Variants in SLC14A2 observed in about 807,000 individuals in gnomAD.
SLC14A2 encodes solute carrier family 14 member 2.
In SLC14A2, 91 loss-of-function variants were observed where a neutral mutation model predicts 104.6. That is an observed-to-expected ratio of 0.87 (90% CI 0.73 to 1.04). SLC14A2 has a LOEUF of 1.04. SLC14A2 is among the 50% of genes least tolerant of loss of function. SLC14A2 has a pLI of 0.00. For synonymous variants in SLC14A2, 476 were observed against 466.4 expected (o/e 1.02, Z -0.27); for missense variants, 1,189 against 1,156.0 (o/e 1.03, Z -0.41).
At position 45,495,920 on chromosome 18, in the gene SLC14A2, C is replaced by T. The variant is rs576487318; in HGVS notation, c.-35+12598C>T. ...GGCAAGCGCCAACTCCCAGGTCTGA[C>T]CTGCTTGCTGAAAGTTTGAAGACCA... On this transcript the variant is annotated intron_variant, in intron 2 of 20. Transcript: ENST00000586448. Among the ~76,000 whole-genome samples, 7 of 152,310 alleles carry T rather than the reference C, an allele frequency of 4.6e-5. No homozygotes were observed. The East Asian group carries it at 1.4e-3, about 29-fold the overall frequency.
intron 1 of SLC14A2, among the ~76,000 whole-genome samples, chr18:45,229,815 C>T (rs1339246445): frequency 6.6e-6 from 1 of 152,144 alleles, no homozygotes; most frequent in African/African-American, 2.4e-5. Flanking sequence ...TGGAAAGTTG[C>T]TTCTGCGTTC....
intron 1 of SLC14A2, among the ~76,000 whole-genome samples, chr18:45,472,644 T>A (rs2144671302): frequency 6.6e-6 from 1 of 152,376 alleles, no homozygotes; most frequent in South Asian, 2.1e-4. Flanking sequence ...GAGCTTTTTT[T>A]CATATGTTTG....
intron 1 of SLC14A2, among the ~76,000 whole-genome samples, chr18:45,258,590 T>A (rs1028768147): frequency 7.0e-6 from 1 of 143,464 alleles, no homozygotes; most frequent in Non-Finnish European, 1.5e-5. Flanking sequence ...GGCAAGGACC[T>A]TTCTTATTGC....
At chr18:45,421,855 G>A (rs4559998) in intron 1 of SLC14A2, among the ~76,000 whole-genome samples, 23,639 of 152,158 alleles carry the variant, frequency 0.16, 2,600 homozygotes, top group African/African-American at 0.29. Flanking sequence ...CTAATCCAAC[G>A]CTGAATGATC....
chr18:45,453,769 A>G (rs953035403), intron 1 of SLC14A2, among the ~76,000 whole-genome samples: 1 of 151,762 alleles, frequency 6.6e-6, no homozygotes, highest in African/African-American at 2.4e-5. Flanking sequence ...TTGCATTCAC[A>G]GTGCCTCCCT....
intron 1 of SLC14A2, among the ~76,000 whole-genome samples, chr18:45,443,665 C>A (rs2086718171): frequency 6.6e-6 from 1 of 151,986 alleles, no homozygotes; most frequent in African/African-American, 2.4e-5. Flanking sequence ...TTCTGTAGGG[C>A]AGAGGGGTTC....
intron 2 of SLC14A2, among the ~76,000 whole-genome samples, chr18:45,571,986 G>C (rs1389935223): frequency 6.6e-6 from 1 of 152,102 alleles, no homozygotes; most frequent in African/African-American, 2.4e-5. Flanking sequence ...ACAGTGCATA[G>C]ACCCCATCCT....
intron 2 of SLC14A2, among the ~76,000 whole-genome samples, chr18:45,520,622 G>A (rs1036775358): frequency 4.6e-5 from 7 of 152,130 alleles, no homozygotes; most frequent in African/African-American, 9.7e-5. Context: ...TTTTCTGGGC[G>A]TTTCCATCCT....
chr18:45,461,296 A>C (rs1026748795), intron 1 of SLC14A2, among the ~76,000 whole-genome samples: 1 of 152,182 alleles, frequency 6.6e-6, no homozygotes, highest in African/African-American at 2.4e-5. Context: ...CCTTTCAGAG[A>C]TACTCCTTTG....
intron 2 of SLC14A2, among the ~76,000 whole-genome samples, chr18:45,491,743 T>C (rs1434429797): frequency 1.3e-5 from 2 of 151,988 alleles, no homozygotes; most frequent in East Asian, 3.9e-4. Flanking sequence ...GCTTTGAAAA[T>C]TACTTGGCTG....
intron 1 of SLC14A2, among the ~76,000 whole-genome samples, chr18:45,414,939 A>C (rs1035197924): frequency 6.6e-6 from 1 of 151,540 alleles, no homozygotes; most frequent in African/African-American, 2.4e-5. Flanking sequence ...GCAGAGTCCG[A>C]TCAGCTTCTT....
intron 1 of SLC14A2, among the ~76,000 whole-genome samples, chr18:45,233,796 T>G (rs1230969215): frequency 1.7e-5 from 1 of 57,310 alleles, no homozygotes; most frequent in African/African-American, 6.8e-5. Context: ...CCACCCACAG[T>G]GCCCCCACCT....
intron 1 of SLC14A2, among the ~76,000 whole-genome samples, chr18:45,215,782 C>A (rs2084004877): frequency 6.6e-6 from 1 of 152,174 alleles, no homozygotes; most frequent in Non-Finnish European, 1.5e-5. Context: ...GGACTAAGCC[C>A]TATGACTTTC....
intron 1 of SLC14A2, among the ~76,000 whole-genome samples, chr18:45,482,125 C>A (rs1025552712): frequency 6.6e-6 from 1 of 152,020 alleles, no homozygotes; most frequent in African/African-American, 2.4e-5. Flanking sequence ...AAATGCATAC[C>A]CATTGAAAGC....
intron 1 of SLC14A2, among the ~76,000 whole-genome samples, chr18:45,286,527 A>AT (rs1465070037): frequency 6.6e-6 from 1 of 152,202 alleles, no homozygotes; most frequent in African/African-American, 2.4e-5. Flanking sequence ...ATCTACTCTC[A>AT]TTTTATAGAG....
chr18:45,191,013 T>C, the SLC14A2 span, among the ~76,000 whole-genome samples: 15 of 152,254 alleles, frequency 9.9e-5, no homozygotes, highest in African/African-American at 3.6e-4. Flanking sequence ...AAAATATGCT[T>C]CTTGAGCTGA....
At chr18:45,242,892 TC>T (rs2084332026) in intron 1 of SLC14A2, among the ~76,000 whole-genome samples, 1 of 152,218 alleles carries the variant, frequency 6.6e-6, no homozygotes, top group Non-Finnish European at 1.5e-5. Context: ...TTTGTGCTAC[TC>T]CCAGGTTTGG....
the SLC14A2 span, among the ~76,000 whole-genome samples, chr18:45,180,437 A>T: frequency 6.6e-6 from 1 of 152,206 alleles, no homozygotes; most frequent in East Asian, 1.9e-4. Flanking sequence ...GTTGAAGTAT[A>T]AAAAATATGG....
intron 1 of SLC14A2, among the ~76,000 whole-genome samples, chr18:45,420,748 A>ATT (rs936071062): frequency 6.7e-6 from 1 of 150,120 alleles, no homozygotes; most frequent in African/African-American, 2.4e-5. Flanking sequence ...TATTATTATT[A>ATT]TTTTTTTTTT....
Sources: allele counts gnomAD v4.1 joint callset (sites outside exome capture counted in the v4.1 genomes callset), GRCh38; gene constraint gnomAD v4.1.1; transcripts MANE v1.5; gene names NCBI Gene and HGNC (gene_info 2026-07-23, HGNC 2026-07-21).